HM13: variants seen among roughly 807,000 people sequenced by gnomAD.
The protein encoded by HM13 is histocompatibility minor 13.
A neutral mutation model predicts 50.0 loss-of-function variants in HM13; 18 were observed. The ratio of observed to expected loss-of-function variants is 0.36; its 90% CI spans 0.25 to 0.53. The LOEUF (loss-of-function observed/expected upper bound fraction) is 0.53, where lower values mean the gene tolerates loss of function less well. Among genes scored for constraint, HM13 ranks in the 20% least tolerant of loss-of-function variants. HM13 has a pLI of 0.90. For missense variants in HM13, 393 were observed against 552.4 expected (o/e 0.71, Z 2.89); for synonymous variants, 197 against 232.6 (o/e 0.85, Z 1.39).
At chr20:31,516,679 G>C (rs1345385006) in intron 1 of HM13, among the ~76,000 whole-genome samples, 1 of 152,150 alleles carries the variant, frequency 6.6e-6, no homozygotes, top group Non-Finnish European at 1.5e-5. Flanking sequence ...GGAAGGTTTG[G>C]TGTGGCTGGA....
rs796852793 is a variant in HM13 at position 31,556,977 on chromosome 20, C to T, written c.808+2148C>T. On this transcript the variant is annotated intron_variant, in intron 8 of 12. Transcript: ENST00000398174. ...GAGCTTGCAGTGAGCCAAGATTGCA[C>T]CACTGCACTCCAGCCTGGGCCACAC... Among the ~76,000 whole-genome samples, 3 of 149,388 alleles carry T rather than the reference C, an allele frequency of 2.0e-5. No homozygotes were observed. In the South Asian group the frequency reaches 6.3e-4, roughly 32 times the overall value.
At chr20:31,568,490 A>G (rs368629702) in intron 12 of HM13, among the ~76,000 whole-genome samples, 1 of 152,358 alleles carries the variant, frequency 6.6e-6, no homozygotes, top group South Asian at 2.1e-4. Context: ...AGTAGTAGAT[A>G]CTGTTACCAT....
intron 10 of HM13, among the ~76,000 whole-genome samples, chr20:31,565,625 A>G (rs1273189769): frequency 6.6e-6 from 1 of 152,176 alleles, no homozygotes; most frequent in Non-Finnish European, 1.5e-5. Flanking sequence ...GGCTAAGCTC[A>G]GTGCCTGCAC....
chr20:31,520,864 A>C (rs1453238017), intron 1 of HM13, among the ~76,000 whole-genome samples: 1 of 152,212 alleles, frequency 6.6e-6, no homozygotes, highest in Non-Finnish European at 1.5e-5. Context: ...AGAATGGCCC[A>C]TGAATTTCAG....
intron 10 of HM13, among the ~76,000 whole-genome samples, chr20:31,565,687 C>T (rs747062688): frequency 1.4e-4 from 21 of 152,096 alleles, no homozygotes; most frequent in Non-Finnish European, 2.1e-4. Context: ...TCTCCAAACC[C>T]AGCTTTACCA....
At chr20:31,552,356 T>C (rs1346043518) in intron 7 of HM13, among the ~76,000 whole-genome samples, 1 of 152,098 alleles carries the variant, frequency 6.6e-6, no homozygotes, top group African/African-American at 2.4e-5. Flanking sequence ...TGGGCATAGC[T>C]GAGTTCAGGG....
intron 9 of HM13, 69 bp downstream of exon 9, chr20:31,559,716 G>GACCTC: frequency 6.7e-7 from 1 of 1,493,654 alleles, no homozygotes; most frequent in Non-Finnish European, 9.3e-7. Flanking sequence ...CAGGAGCCCA[G>GACCTC]AGAAGGTACC....
At chr20:31,546,613 G>A (rs1375938156) in intron 4 of HM13, among the ~76,000 whole-genome samples, 1 of 151,996 alleles carries the variant, frequency 6.6e-6, no homozygotes, top group East Asian at 1.9e-4. Context: ...AATTAGCCAG[G>A]CATGGTGGCG....
intron 9 of HM13, among the ~76,000 whole-genome samples, chr20:31,560,148 TTGTAGA>T (rs1984526425): frequency 6.6e-6 from 1 of 152,196 alleles, no homozygotes; most frequent in Non-Finnish European, 1.5e-5. Context: ...TTTCAGTCTG[TTGTAGA>T]CAGTGAGCAC....
chr20:31,561,051 A>G (rs1481064545), intron 9 of HM13, among the ~76,000 whole-genome samples: 1 of 152,234 alleles, frequency 6.6e-6, no homozygotes, highest in Non-Finnish European at 1.5e-5. Context: ...AATCACCTCC[A>G]GGAAGCCACT....
At chr20:31,559,405 G>C (rs892390905) in intron 8 of HM13, among the ~76,000 whole-genome samples, 1 of 152,138 alleles carries the variant, frequency 6.6e-6, no homozygotes, top group Non-Finnish European at 1.5e-5. Flanking sequence ...TGTAGTCCCA[G>C]GCCAAAGCAA....
chr20:31,559,118 A>G (rs1409657598), intron 8 of HM13, among the ~76,000 whole-genome samples: 1 of 152,302 alleles, frequency 6.6e-6, no homozygotes, highest in African/African-American at 2.4e-5. Flanking sequence ...AGGTTTCGCC[A>G]TGTTGGCCAG....
chr20:31,515,238 G>A lies in HM13; in HGVS notation c.183+504G>A, dbSNP rs182764084. ...GACCCATCCCTAGACTCTGACTCCT[G>A]TCTCACTGGAATCTATGGCACCTTA... On this transcript the variant is annotated intron_variant, in intron 1 of 12. Coordinates refer to ENST00000398174, the MANE Select transcript of HM13 (RefSeq NM_178581.3). 1.4e-4 allele frequency among the ~76,000 whole-genome samples: 22 copies of A among 152,274 alleles called. No individual in the cohort carries two copies. In the East Asian group the frequency reaches 3.9e-3, roughly 27 times the overall value.
In HM13 at chr20:31,569,265, G is replaced by A. The variant is rs569424756; in HGVS notation, c.*46G>A. The A allele has an allele frequency of 5.1e-5, 69 of 1,350,240 alleles. No individual in the cohort carries two copies. Among genetic ancestry groups the A allele is most frequent in the Non-Finnish European group, 6.3e-5 (61 of 964,312 alleles). The allele number at this position is 1,350,240 out of a possible 1,614,324, so 83.6% of individuals were successfully genotyped here. On this transcript the variant is annotated 3_prime_UTR_variant, in exon 13 of 13. Coordinates refer to ENST00000398174, the MANE Select transcript of HM13 (RefSeq NM_178581.3). ...CTCAGGGCCAGACCAGACAGATGGG[G>A]GCTGGGCCCACACAGGCGTGCACCG... is the stretch of plus-strand genomic sequence containing the variant.
Position 31,561,704 on chromosome 20 carries a change from A to G in HM13, c.916A>G (p.Ile306Val). Residue 306 changes from isoleucine to valine, a missense_variant, in exon 10 of 13, where the codon ATC (isoleucine) becomes GTC (valine). By Grantham distance (29) the Ile-to-Val change is conservative. Coordinates refer to ENST00000398174, the MANE Select transcript of HM13 (RefSeq NM_178581.3). ...AAYIFGLGLT[I>V]FIMHIFKHAQ... ...CTACATCTTCGGCCTGGGCCTTACC[A>G]TCTTCATCATGCACATCTTCAAGCA... The G allele has an allele frequency of 1.9e-6, 3 of 1,613,186 alleles. No homozygotes were observed. Among genetic ancestry groups the G allele is most frequent in the Non-Finnish European group, 2.5e-6 (3 of 1,179,138 alleles).
intron 10 of HM13, among the ~76,000 whole-genome samples, chr20:31,564,712 T>C (rs1262457698): frequency 6.6e-5 from 10 of 151,682 alleles, no homozygotes; most frequent in African/African-American, 2.2e-4. Context: ...GCATCTCTAC[T>C]GAAAAATACA....
At chr20:31,565,158 T>G (rs1600672119) in intron 10 of HM13, among the ~76,000 whole-genome samples, 3 of 127,394 alleles carry the variant, frequency 2.4e-5, no homozygotes, top group African/African-American at 6.2e-5. Context: ...AGAGCCAGAC[T>G]CCATCTCAAA....
intron 2 of HM13, among the ~76,000 whole-genome samples, chr20:31,529,511 C>T (rs1249407414): frequency 2.0e-5 from 3 of 152,174 alleles, no homozygotes; most frequent in Non-Finnish European, 4.4e-5. Flanking sequence ...TTGTAAAGTG[C>T]TGGTATTACA....
chr20:31,543,889 G>A (rs766486918), intron 3 of HM13, among the ~76,000 whole-genome samples: 4 of 151,750 alleles, frequency 2.6e-5, no homozygotes, highest in African/African-American at 7.3e-5. Context: ...AGCCGAGATC[G>A]CGCCACTGCA....
Sources: gnomAD v4.1 joint callset for allele counts (sites outside exome capture counted in the v4.1 genomes callset) on GRCh38, gnomAD v4.1.1 for gene constraint, MANE v1.5 for transcripts, NCBI Gene and HGNC (gene_info 2026-07-23, HGNC 2026-07-21) for gene names.